Variants in OSBPL10 observed in about 807,000 individuals in gnomAD.
OSBPL10 encodes the protein oxysterol-binding protein-related protein 10.
In OSBPL10, 49 loss-of-function variants were observed where a neutral mutation model predicts 81.7. That is an observed-to-expected ratio of 0.60 (90% CI 0.48 to 0.76). The LOEUF is 0.76. OSBPL10 is among the 30% of genes least tolerant of loss of function. OSBPL10 has a pLI of 0.00. For missense variants in OSBPL10, 923 were observed against 987.8 expected (o/e 0.93, Z 0.88); for synonymous variants, 419 against 383.6 (o/e 1.09, Z -1.08).
At chr3:31,931,049 A>G (rs1697234055) in intron 1 of OSBPL10, among the ~76,000 whole-genome samples, 1 of 150,364 alleles carries the variant, frequency 6.7e-6, no homozygotes, top group African/African-American at 2.4e-5. Context: ...AAAGATAGTA[A>G]AAAAGAGTGC....
chr3:31,910,357 G>A (rs75167884), intron 1 of OSBPL10, among the ~76,000 whole-genome samples: 23,446 of 151,868 alleles, frequency 0.15, 2,160 homozygotes, highest in East Asian at 0.21. Context: ...TCAGGGGGCC[G>A]GGCGCGGTGG....
chr3:31,880,104 C>CATGGAT (rs1220980766), intron 1 of OSBPL10, among the ~76,000 whole-genome samples: 1 of 152,210 alleles, frequency 6.6e-6, no homozygotes, highest in Non-Finnish European at 1.5e-5. Flanking sequence ...ACCCAGTACC[C>CATGGAT]ATGGATACCA....
At chr3:31,799,715 C>A (rs939927784) in intron 4 of OSBPL10, among the ~76,000 whole-genome samples, 1 of 152,144 alleles carries the variant, frequency 6.6e-6, no homozygotes, top group South Asian at 2.1e-4. Context: ...TCACAAAAAT[C>A]GTAAGCAGCA....
rs1165854473 is a variant in OSBPL10, at chr3:31,807,390, TAAATAA to T, written c.729+22644_729+22649del. 3.8e-5 allele frequency among the ~76,000 whole-genome samples: 5 copies of T among 130,534 alleles called. No individual in the cohort carries two copies. In the South Asian group the frequency reaches 1.3e-3, roughly 34 times the overall value. The allele number at this position is 130,534 out of a possible 152,430, so 85.6% of individuals were successfully genotyped here. On this transcript the variant is annotated intron_variant, in intron 4 of 11. Coordinates refer to ENST00000396556, the MANE Select transcript of OSBPL10 (RefSeq NM_017784.5). ...TGTCTCAGAAAAATAAATAAATAAA[TAAATAA>T]ATAAATAAGATTCACTCTGCATGCT... is the stretch of plus-strand genomic sequence containing the variant.
intron 3 of OSBPL10, among the ~76,000 whole-genome samples, chr3:31,854,887 T>C (rs1201489412): frequency 6.6e-6 from 1 of 152,250 alleles, no homozygotes; most frequent in East Asian, 1.9e-4. Flanking sequence ...ATTCTCTGTA[T>C]AACCACAGGA....
At chr3:31,677,778 G>A (rs975324985) in intron 8 of OSBPL10, among the ~76,000 whole-genome samples, 13 of 152,098 alleles carry the variant, frequency 8.5e-5, no homozygotes, top group African/African-American at 2.2e-4. Flanking sequence ...ACTCAACAAC[G>A]GCCAACATAA....
chr3:31,748,484 G>A (rs1486036588), intron 4 of OSBPL10, among the ~76,000 whole-genome samples: 1 of 152,036 alleles, frequency 6.6e-6, no homozygotes, highest in Non-Finnish European at 1.5e-5. Context: ...GACAGCAGGC[G>A]CACTGTGTGG....
intron 2 of OSBPL10, among the ~76,000 whole-genome samples, chr3:32,041,975 G>C (rs576015316): frequency 6.6e-6 from 1 of 152,180 alleles, no homozygotes; most frequent in South Asian, 2.1e-4. Context: ...TCTGAAACTA[G>C]TGTAGAAAAT....
intron 3 of OSBPL10, among the ~76,000 whole-genome samples, chr3:31,846,609 G>A (rs1700639403): frequency 6.8e-6 from 1 of 147,152 alleles, no homozygotes; most frequent in African/African-American, 2.5e-5. Context: ...TCCAGCCTGG[G>A]CAACAAGAGC....
At chr3:31,810,532 A>C (rs949833771) in intron 4 of OSBPL10, among the ~76,000 whole-genome samples, 2 of 152,182 alleles carry the variant, frequency 1.3e-5, no homozygotes, top group African/African-American at 4.8e-5. Flanking sequence ...AATAAATCAA[A>C]AAACAACTGA....
intron 4 of OSBPL10, among the ~76,000 whole-genome samples, chr3:31,783,197 G>A (rs1218695614): frequency 6.9e-6 from 1 of 145,792 alleles, no homozygotes; most frequent in Non-Finnish European, 1.5e-5. Context: ...TGAAATAATG[G>A]CATTCACAGC....
At chr3:31,904,782 T>A (rs1696354216) in intron 1 of OSBPL10, among the ~76,000 whole-genome samples, 1 of 152,204 alleles carries the variant, frequency 6.6e-6, no homozygotes, top group Admixed American at 6.5e-5. Flanking sequence ...ATTTCCAATC[T>A]GGGTCTGAAC....
At chr3:31,991,044 T>C (rs1699021854) in intron 2 of OSBPL10, 6 of 1,409,744 alleles carry the variant, frequency 4.3e-6, no homozygotes, top group African/African-American at 1.4e-5. Flanking sequence ...GCAATGAGTA[T>C]AGCAAACCAT....
chr3:31,857,857 GGAGGGA>G (rs926177781), intron 3 of OSBPL10, among the ~76,000 whole-genome samples: 6 of 95,488 alleles, frequency 6.3e-5, no homozygotes, highest in South Asian at 4.8e-4. Context: ...AGGGAAAGAA[GGAGGGA>G]GAGGGAGAGG....
chr3:31,932,930 T>C (rs1434272209), intron 1 of OSBPL10, among the ~76,000 whole-genome samples: 1 of 152,122 alleles, frequency 6.6e-6, no homozygotes, highest in African/African-American at 2.4e-5. Flanking sequence ...TTGTCAAAAC[T>C]CATTGAACTG....
intron 2 of OSBPL10, among the ~76,000 whole-genome samples, chr3:31,996,360 C>G (rs976188): frequency 0.33 from 50,937 of 152,086 alleles, 11,627 homozygotes; most frequent in African/African-American, 0.64. Context: ...AACTCTCCCC[C>G]CCGTGCAAGG....
chr3:31,813,933 A>G (rs1699771712), intron 4 of OSBPL10, among the ~76,000 whole-genome samples: 1 of 152,250 alleles, frequency 6.6e-6, no homozygotes, highest in African/African-American at 2.4e-5. Context: ...GAAGAACCAC[A>G]CAAAGCAGGA....
intron 5 of OSBPL10, among the ~76,000 whole-genome samples, chr3:31,740,247 T>A (rs1473604826): frequency 1.3e-5 from 2 of 152,122 alleles, no homozygotes; most frequent in Non-Finnish European, 2.9e-5. Flanking sequence ...TTTCACCATA[T>A]TGGCCAGGCT....
At chr3:31,958,486 A>G (rs1259840585) in intron 1 of OSBPL10, among the ~76,000 whole-genome samples, 5 of 152,238 alleles carry the variant, frequency 3.3e-5, no homozygotes. Context: ...TCACAGAGGT[A>G]CATATGCAGG....
Sources: allele counts gnomAD v4.1 joint callset (sites outside exome capture counted in the v4.1 genomes callset), GRCh38; gene constraint gnomAD v4.1.1; transcripts MANE v1.5; gene names NCBI Gene and HGNC (gene_info 2026-07-23, HGNC 2026-07-21).